COPS3: variants seen among roughly 807,000 people sequenced by gnomAD.
COPS3 encodes the protein COP9 signalosome complex subunit 3.
COPS3 carries 10 observed loss-of-function variants against 58.2 expected under a neutral mutation model. That is an observed-to-expected ratio of 0.17 (90% CI 0.11 to 0.29). The LOEUF (loss-of-function observed/expected upper bound fraction) is 0.29. COPS3 is among the 10% of genes least tolerant of loss of function. COPS3 has a pLI of 1.00. For synonymous variants in COPS3, 187 were observed against 181.7 expected, an observed-to-expected ratio of 1.03 and a Z score of -0.24; for missense variants, 333 against 510.1, an observed-to-expected ratio of 0.65 and a Z score of 3.34.
intron 9 of COPS3, among the ~76,000 whole-genome samples, chr17:17,251,893 C>T (rs935411177): frequency 6.6e-6 from 1 of 151,906 alleles, no homozygotes; most frequent in Non-Finnish European, 1.5e-5. Context: ...CATGGTGAAA[C>T]CCCGTCTCTA....
At chr17:17,269,979 A>G (rs1287883699) in intron 4 of COPS3, among the ~76,000 whole-genome samples, 11 of 152,256 alleles carry the variant, frequency 7.2e-5, no homozygotes, top group Middle Eastern at 3.4e-3. Flanking sequence ...AACATGGTGA[A>G]ACCCCGTCTC....
intron 1 of COPS3, among the ~76,000 whole-genome samples, chr17:17,278,950 C>A (rs1274252391): frequency 1.3e-5 from 2 of 151,508 alleles, no homozygotes; most frequent in African/African-American, 4.9e-5. Context: ...TCTTGGCTCA[C>A]TGCAAGCTCC....
At chr17:17,267,703 C>T (rs1049067017) in intron 5 of COPS3, among the ~76,000 whole-genome samples, 182 bp downstream of exon 5, 1 of 151,960 alleles carries the variant, frequency 6.6e-6, no homozygotes, top group East Asian at 1.9e-4. Context: ...ACTAGTTGAG[C>T]CCCATCCTAC....
At chr17:17,250,824 C>G (rs1322122413) in intron 9 of COPS3, among the ~76,000 whole-genome samples, 4 of 152,170 alleles carry the variant, frequency 2.6e-5, no homozygotes, top group Non-Finnish European at 5.9e-5. Flanking sequence ...GAAACAGTAA[C>G]CAGCCCAATA....
intron 1 of COPS3, among the ~76,000 whole-genome samples, chr17:17,278,092 A>G (rs1490076996): frequency 6.6e-6 from 1 of 152,166 alleles, no homozygotes; most frequent in Non-Finnish European, 1.5e-5. Flanking sequence ...TGGAGGCTGC[A>G]GTGAGCTGAG....
chr17:17,258,972 T>C (rs1304422518), intron 8 of COPS3, among the ~76,000 whole-genome samples: 3 of 152,138 alleles, frequency 2.0e-5, no homozygotes, highest in Non-Finnish European at 4.4e-5. Flanking sequence ...CTCACCTTCC[T>C]TCCTCTTCTC....
chr17:17,280,809 C>T (rs1428177087), intron 1 of COPS3: 2 of 1,251,662 alleles, frequency 1.6e-6, no homozygotes, highest in African/African-American at 1.6e-5. Flanking sequence ...AACCAATAGT[C>T]GCCCGAGATG....
chr17:17,277,591 A>C (rs890536347), intron 1 of COPS3, among the ~76,000 whole-genome samples: 1 of 150,856 alleles, frequency 6.6e-6, no homozygotes, highest in Non-Finnish European at 1.5e-5. Flanking sequence ...CTTATTTTTT[A>C]AGTTTTTTGC....
At chr17:17,280,184 A>G (rs1346539012) in intron 1 of COPS3, among the ~76,000 whole-genome samples, 2 of 152,156 alleles carry the variant, frequency 1.3e-5, no homozygotes, top group Non-Finnish European at 2.9e-5. Context: ...GGCCGAGGCC[A>G]GTGGATCACC....
chr17:17,254,145 A>C (rs145062344), intron 9 of COPS3, among the ~76,000 whole-genome samples: 1 of 152,048 alleles, frequency 6.6e-6, no homozygotes, highest in East Asian at 1.9e-4. Context: ...TCTTCAAAAA[A>C]ATACAAAAAT....
At chr17:17,279,228 T>C (rs1329291668) in intron 1 of COPS3, among the ~76,000 whole-genome samples, 1 of 152,134 alleles carries the variant, frequency 6.6e-6, no homozygotes. Context: ...CCGACAGCAA[T>C]GAAAGTTACC....
chr17:17,248,432 A>T (rs960311363), intron 10 of COPS3, among the ~76,000 whole-genome samples: 1 of 152,146 alleles, frequency 6.6e-6, no homozygotes, highest in African/African-American at 2.4e-5. Context: ...TTCCTGCCTC[A>T]GCCTCCAGAG....
chr17:17,271,648 C>T (rs373395851), intron 2 of COPS3, among the ~76,000 whole-genome samples: 1 of 150,878 alleles, frequency 6.6e-6, no homozygotes. Flanking sequence ...GGAAAAACCT[C>T]GTCTCTACTA....
Position 17,247,578 on chromosome 17 carries a change from TAGA to T in COPS3, c.1138-21_1138-19del. The T allele has an allele frequency of 6.2e-7, 1 of 1,613,936 alleles. No homozygotes were observed. Among genetic ancestry groups the T allele is most frequent in the Non-Finnish European group, 8.5e-7 (1 of 1,179,832 alleles). ...TTCAGCATCTGCATGACAGGCACATTAGAAGGTGGTCAGCGGCGGGTTTAGGTC... is the reference window on the plus strand; with the variant it reads ...TTCAGCATCTGCATGACAGGCACATTAGGTGGTCAGCGGCGGGTTTAGGTC... On this transcript the variant is annotated intron_variant, in intron 10 of 11. Coordinates refer to ENST00000268717, the MANE Select transcript of COPS3 (RefSeq NM_003653.4).
chr17:17,246,923 CT>C lies in COPS3; in HGVS notation c.*174del. On this transcript the variant is annotated 3_prime_UTR_variant, in exon 12 of 12. Transcript: ENST00000268717. Reference sequence around the variant, plus strand: ...ACTTTAAAGTTTGCAAATCTGTTTCCTTTCTTTGCAGAGAAAATGGTTTTCT... The same window carrying C: ...ACTTTAAAGTTTGCAAATCTGTTTCCTTCTTTGCAGAGAAAATGGTTTTCT... The C allele has an allele frequency of 1.6e-6, 1 of 610,154 alleles. No individual in the cohort carries two copies. The highest frequency in any genetic ancestry group is 1.8e-5 in the African/African-American group (1 of 54,388). The allele number at this position is 610,154 out of a possible 1,614,324, so 37.8% of individuals were successfully genotyped here.
intron 2 of COPS3, among the ~76,000 whole-genome samples, chr17:17,271,569 C>G (rs2048342386): frequency 6.6e-6 from 1 of 151,986 alleles, no homozygotes; most frequent in African/African-American, 2.4e-5. Flanking sequence ...CCTGTAATCC[C>G]AGCACCTTGG....
Position 17,252,686 on chromosome 17 carries a change from T to C in COPS3, c.1023+2173A>G, listed in dbSNP as rs530386320. 5.6e-4 allele frequency among the ~76,000 whole-genome samples: 85 copies of C among 152,328 alleles called. 2 individuals are homozygous for C. The highest frequency in any genetic ancestry group is 3.3e-3 in the South Asian group (16 of 4,824). Reference sequence around the variant, plus strand: ...ACACCCACTTTGACCCCGCAACGCGTTGCTAGCTAGTATGTCCTGTCTGGT... The same window carrying C: ...ACACCCACTTTGACCCCGCAACGCGCTGCTAGCTAGTATGTCCTGTCTGGT... On this transcript the variant is annotated intron_variant, in intron 9 of 11. Coordinates refer to ENST00000268717, the MANE Select transcript of COPS3 (RefSeq NM_003653.4).
intron 1 of COPS3, chr17:17,280,555 A>G: frequency 1.6e-6 from 2 of 1,261,820 alleles, no homozygotes; most frequent in Non-Finnish European, 1.0e-6. Context: ...AAAACAAAGA[A>G]GAAGAAATGG....
chr17:17,248,922 T>G lies in COPS3; in HGVS notation c.1137+4A>C. 1 of 1,529,566 alleles carries G rather than the reference T, an allele frequency of 6.5e-7. No homozygotes were observed. Among genetic ancestry groups the G allele is most frequent in the Non-Finnish European group, 8.9e-7 (1 of 1,125,438 alleles). 94.7% of individuals were successfully genotyped at this position (1,529,566 alleles called of 1,614,324 possible). A position where few individuals can be genotyped will look rare whatever the true frequency, so the allele number is the denominator to read the frequency against. On this transcript the variant is annotated splice_donor_region_variant and intron_variant, in intron 10 of 11. Coordinates refer to ENST00000268717, the MANE Select transcript of COPS3 (RefSeq NM_003653.4). Reference sequence around the variant, plus strand: ...AAAAATAAAAACCTGGCATTCATGTTTACCTCCTGATCAATGTTATGAAGC... The same window carrying G: ...AAAAATAAAAACCTGGCATTCATGTGTACCTCCTGATCAATGTTATGAAGC...
Sources: allele counts gnomAD v4.1 joint callset (sites outside exome capture counted in the v4.1 genomes callset), GRCh38; gene constraint gnomAD v4.1.1; transcripts MANE v1.5; gene names NCBI Gene and HGNC (gene_info 2026-07-23, HGNC 2026-07-21).